Variants in RBFOX1 observed in about 807,000 individuals in gnomAD.
RBFOX1 encodes the protein RNA binding fox-1 homolog 1, also known as RNA binding protein fox-1 homolog 1.
A neutral mutation model predicts 57.7 loss-of-function variants in RBFOX1; 8 were observed. That is an observed-to-expected ratio of 0.14 (90% CI 0.08 to 0.25). The LOEUF (loss-of-function observed/expected upper bound fraction) is 0.25, where lower values mean the gene tolerates loss of function less well. Ranked by LOEUF, RBFOX1 falls within the 10% of genes least tolerant of loss-of-function variation. The pLI is 1.00. For synonymous variants in RBFOX1, 326 were observed against 222.4 expected (o/e 1.47, Z -4.15); for missense variants, 611 against 548.5 (o/e 1.11, Z -1.14).
In RBFOX1 at chr16:7,615,367, A is replaced by C. The variant is rs114442608; in HGVS notation, c.676+8029A>C. ...ATAATAATAATAATAATGAATGAAA[A>C]CACATTTGCATTTAATATTGTCTGC... On this transcript the variant is annotated intron_variant, in intron 10 of 15. Transcript: ENST00000550418. 3.9e-3 allele frequency among the ~76,000 whole-genome samples: 594 copies of C among 152,074 alleles called. 6 individuals are homozygous for C. Among genetic ancestry groups the C allele is most frequent in the African/African-American group, 0.014 (565 of 41,470 alleles).
At chr16:7,679,119 G>A (rs914049633) in intron 14 of RBFOX1, among the ~76,000 whole-genome samples, 3 of 152,166 alleles carry the variant, frequency 2.0e-5, no homozygotes, top group South Asian at 2.1e-4. Flanking sequence ...TGGACAGAAA[G>A]CAATCTTTAA....
At chr16:5,787,023 C>T (rs2054525593) in intron 3 of RBFOX1, among the ~76,000 whole-genome samples, 1 of 152,178 alleles carries the variant, frequency 6.6e-6, no homozygotes, top group African/African-American at 2.4e-5. Context: ...GTAATCTCAG[C>T]TCCTTGGGAG....
chr16:5,626,934 G>T (rs2048366158), intron 3 of RBFOX1, among the ~76,000 whole-genome samples: 1 of 152,010 alleles, frequency 6.6e-6, no homozygotes, highest in South Asian at 2.1e-4. Context: ...CTACATTTCT[G>T]TTGGGATTGA....
intron 1 of RBFOX1, among the ~76,000 whole-genome samples, chr16:5,260,043 A>G (rs1473644690): frequency 1.2e-4 from 18 of 152,188 alleles, no homozygotes; most frequent in Non-Finnish European, 2.4e-4. Flanking sequence ...TCTACTAAAA[A>G]TACAAAAATT....
intron 3 of RBFOX1, among the ~76,000 whole-genome samples, chr16:7,012,003 T>A (rs549445228): frequency 8.5e-5 from 13 of 152,196 alleles, no homozygotes; most frequent in Admixed American, 2.6e-4. Context: ...TTCTGATCAA[T>A]GAGGTCTAGT....
intron 1 of RBFOX1, among the ~76,000 whole-genome samples, chr16:6,229,394 C>G (rs914685913): frequency 6.6e-6 from 1 of 152,130 alleles, no homozygotes; most frequent in Non-Finnish European, 1.5e-5. Context: ...TTGTGGATCT[C>G]GTTTTCCCCC....
rs954043119 is a variant in RBFOX1 at position 7,514,843 on chromosome 16, G to T, written c.28-3304G>T. 2.6e-5 allele frequency among the ~76,000 whole-genome samples: 4 copies of T among 152,176 alleles called. No individual in the cohort carries two copies. In the East Asian group the frequency reaches 5.8e-4, roughly 22 times the overall value. On this transcript the variant is annotated intron_variant, in intron 4 of 15. Transcript: ENST00000550418. ...CTTTTGCAAGAACTAGTAGGAATGG[G>T]CCACTTTTCCTGAGCTTGCTCTGCA... is the stretch of plus-strand genomic sequence containing the variant.
chr16:6,581,929 G>T (rs1237911078), intron 2 of RBFOX1, among the ~76,000 whole-genome samples: 1 of 152,152 alleles, frequency 6.6e-6, no homozygotes, highest in African/African-American at 2.4e-5. Flanking sequence ...TAAACCAATC[G>T]TTATGAAACC....
At chr16:6,131,054 T>G (rs960316417) in intron 1 of RBFOX1, among the ~76,000 whole-genome samples, 2 of 152,206 alleles carry the variant, frequency 1.3e-5, no homozygotes, top group African/African-American at 4.8e-5. Flanking sequence ...CAGATAGGCA[T>G]GCATACTCTA....
intron 2 of RBFOX1, among the ~76,000 whole-genome samples, chr16:6,462,575 G>T (rs756278949): frequency 2.6e-5 from 4 of 152,068 alleles, no homozygotes; most frequent in Non-Finnish European, 5.9e-5. Flanking sequence ...ATTGCTATAA[G>T]AAACATTTGG....
At chr16:6,150,948 C>T (rs2096793295) in intron 1 of RBFOX1, among the ~76,000 whole-genome samples, 1 of 152,174 alleles carries the variant, frequency 6.6e-6, no homozygotes, top group African/African-American at 2.4e-5. Flanking sequence ...TTTGTGCTAG[C>T]CTCTTGGTAT....
In RBFOX1 at chr16:5,755,992, G is replaced by C. The variant is rs543069268; in HGVS notation, c.319-111311G>C. 6.6e-4 allele frequency among the ~76,000 whole-genome samples: 100 copies of C among 152,236 alleles called. 1 individual carries two copies. In the South Asian group the frequency reaches 0.011, roughly 16 times the overall value. ...GACATCACAGTTTGAAAAGACCTCA[G>C]AGGTCATGGTGAAAGTTTGGATTTC... On this transcript the variant is annotated intron_variant, in intron 3 of 19. Transcript: ENST00000641259.
At chr16:6,848,646 A>G (rs1393933600) in intron 3 of RBFOX1, among the ~76,000 whole-genome samples, 1 of 151,996 alleles carries the variant, frequency 6.6e-6, no homozygotes, top group Admixed American at 6.6e-5. Context: ...GGAAGGAAGG[A>G]AAGGAGGGAG....
intron 4 of RBFOX1, among the ~76,000 whole-genome samples, chr16:7,103,595 A>G (rs1263882619): frequency 1.3e-5 from 2 of 152,218 alleles, no homozygotes; most frequent in African/African-American, 4.8e-5. Flanking sequence ...GCTAAAAGTG[A>G]TTAGTTTGAA....
chr16:6,852,798 C>T (rs546538270), intron 3 of RBFOX1, among the ~76,000 whole-genome samples: 11 of 151,656 alleles, frequency 7.3e-5, no homozygotes, highest in African/African-American at 2.7e-4. Context: ...TGGGAACTAG[C>T]TGTCCAGGTG....
chr16:5,866,038 G>C (rs1490955055), intron 3 of RBFOX1, among the ~76,000 whole-genome samples: 1 of 152,138 alleles, frequency 6.6e-6, no homozygotes, highest in African/African-American at 2.4e-5. Flanking sequence ...CGCAATCTCA[G>C]TTCAATGCAA....
intron 1 of RBFOX1, among the ~76,000 whole-genome samples, chr16:5,414,208 G>T (rs1247753475): frequency 1.3e-5 from 2 of 152,164 alleles, no homozygotes; most frequent in Non-Finnish European, 2.9e-5. Context: ...AGCTGAGGAA[G>T]CCAGGATGCC....
chr16:7,037,385 G>A (rs1334387382), intron 3 of RBFOX1, among the ~76,000 whole-genome samples: 1 of 151,804 alleles, frequency 6.6e-6, no homozygotes, highest in African/African-American at 2.4e-5. Context: ...GGGATTATAG[G>A]CATACACCAC....
intron 4 of RBFOX1, among the ~76,000 whole-genome samples, chr16:7,271,856 G>C (rs1277495152): frequency 1.3e-5 from 2 of 152,114 alleles, no homozygotes; most frequent in African/African-American, 4.8e-5. Context: ...GGCCAAGGCA[G>C]AGGCTTCCTC....
Sources: gnomAD v4.1 joint callset for allele counts (sites outside exome capture counted in the v4.1 genomes callset) on GRCh38, gnomAD v4.1.1 for gene constraint, MANE v1.5 for transcripts, NCBI Gene and HGNC (gene_info 2026-07-23, HGNC 2026-07-21) for gene names.